Variants in TXNRD1 observed in about 807,000 individuals in gnomAD.
TXNRD1 encodes thioredoxin reductase 1, cytoplasmic.
A neutral mutation model predicts 80.3 loss-of-function variants in TXNRD1; 57 were observed. The ratio of observed to expected loss-of-function variants is 0.71; its 90% CI spans 0.57 to 0.89. The LOEUF is 0.89. Among genes scored for constraint, TXNRD1 ranks in the 40% least tolerant of loss-of-function variants. The pLI is 0.00. For synonymous variants in TXNRD1, 291 were observed against 285.2 expected, an observed-to-expected ratio of 1.02 and a Z score of -0.20; for missense variants, 730 against 803.0, an observed-to-expected ratio of 0.91 and a Z score of 1.10.
At chr12:104,251,755 G>A (rs891652744) in intron 2 of TXNRD1, 77 bp downstream of exon 2, 73 of 1,537,318 alleles carry the variant, frequency 4.7e-5, no homozygotes, top group Non-Finnish European at 5.9e-5. Flanking sequence ...GTAAACAACT[G>A]GATTTTACCT....
At chr12:104,276,231 G>T (rs1335373850) in intron 3 of TXNRD1, among the ~76,000 whole-genome samples, 1 of 152,222 alleles carries the variant, frequency 6.6e-6, no homozygotes, top group Non-Finnish European at 1.5e-5. Context: ...ATTGGGATAG[G>T]TTATAGGTTG....
At chr12:104,215,977 G>A in intron 1 of TXNRD1, 84 bp downstream of exon 1, 11 of 1,218,318 alleles carry the variant, frequency 9.0e-6, no homozygotes, top group Non-Finnish European at 1.3e-5. Flanking sequence ...AAGTGCCCCG[G>A]AGCCCTGGCC....
At chr12:104,327,474 AATG>A (rs1565906598) in intron 12 of TXNRD1, 38 bp from the exon 13 acceptor site, 1 of 1,567,096 alleles carries the variant, frequency 6.4e-7, no homozygotes, top group East Asian at 2.3e-5. Flanking sequence ...CTTAATTAAT[AATG>A]GTAATTAATG....
At chr12:104,216,000 A>G in intron 1 of TXNRD1, 107 bp downstream of exon 1, 1 of 964,088 alleles carries the variant, frequency 1.0e-6, no homozygotes, top group Middle Eastern at 2.6e-4. Context: ...GAAGCCCCTC[A>G]CTGGAGTCAG....
intron 3 of TXNRD1, among the ~76,000 whole-genome samples, chr12:104,272,684 C>G (rs554420306): frequency 6.6e-6 from 1 of 151,348 alleles, no homozygotes; most frequent in South Asian, 2.1e-4. Flanking sequence ...CCCAGCTACT[C>G]GGGAGGCTGA....
rs2032942221 is a variant in TXNRD1, at chr12:104,244,840, GT to G, written c.92-6686del. Among the ~76,000 whole-genome samples the G allele has an allele frequency of 3.9e-5, 6 of 152,352 alleles. No homozygotes were observed. In the South Asian group the frequency reaches 1.2e-3, roughly 32 times the overall value. On this transcript the variant is annotated intron_variant, in intron 1 of 16. Coordinates refer to ENST00000525566, the MANE Select transcript of TXNRD1 (RefSeq NM_001093771.3). ...GATTGAAGACAGGGAAAAGAAAGGG[GT>G]GTAGGCTGTAGAGCAGGGAGAGAAC...
chr12:104,346,514 T>C (rs1374402741), intron 16 of TXNRD1, among the ~76,000 whole-genome samples: 1 of 152,240 alleles, frequency 6.6e-6, no homozygotes, highest in Non-Finnish European at 1.5e-5. Flanking sequence ...GCCTGGAATT[T>C]GTTTAAATGT....
At chr12:104,324,410 G>A (rs990929882) in intron 10 of TXNRD1, among the ~76,000 whole-genome samples, 4 of 140,142 alleles carry the variant, frequency 2.9e-5, no homozygotes, top group African/African-American at 1.1e-4. Context: ...GGAGTGCAGT[G>A]GCGTGATCTT....
At chr12:104,268,012 G>A (rs1164948744) in intron 3 of TXNRD1, among the ~76,000 whole-genome samples, 1 of 151,090 alleles carries the variant, frequency 6.6e-6, no homozygotes, top group Non-Finnish European at 1.5e-5. Flanking sequence ...ACCACGCCAG[G>A]CTAATTTTTT....
chr12:104,280,062 C>CAAGAAAAAA (rs2033844812), intron 3 of TXNRD1, among the ~76,000 whole-genome samples: 1 of 84,618 alleles, frequency 1.2e-5, no homozygotes, highest in Non-Finnish European at 2.3e-5. Context: ...GACTCTGTCT[C>CAAGAAAAAA]AAAAAAAAAA....
At chr12:104,246,608 T>G (rs1035193664) in intron 1 of TXNRD1, among the ~76,000 whole-genome samples, 1 of 149,648 alleles carries the variant, frequency 6.7e-6, no homozygotes, top group Admixed American at 6.7e-5. Context: ...CTGCAACCTC[T>G]GCCTCCCAGG....
intron 13 of TXNRD1, among the ~76,000 whole-genome samples, chr12:104,330,424 T>TCC (rs1258535910): frequency 6.6e-6 from 1 of 152,192 alleles, no homozygotes; most frequent in Non-Finnish European, 1.5e-5. Flanking sequence ...GACTATGGAA[T>TCC]CCCCTTGTCA....
rs555721759 is a variant in TXNRD1, at chr12:104,283,269, GA to G, written c.305-5661del. On this transcript the variant is annotated intron_variant, in intron 3 of 16. Coordinates refer to ENST00000525566, the MANE Select transcript of TXNRD1 (RefSeq NM_001093771.3). ...TTTTTGTTTTTGTTTTTGTTTTTTTGAGACGGAGTCTTGCTCTTGTTGTCCA... is the reference window on the plus strand; with the variant it reads ...TTTTTGTTTTTGTTTTTGTTTTTTTGGACGGAGTCTTGCTCTTGTTGTCCA... Among the ~76,000 whole-genome samples, 1,214 of 151,278 alleles carry G rather than the reference GA, an allele frequency of 8.0e-3. 7 individuals carry two copies. Among genetic ancestry groups the G allele is most frequent in the Non-Finnish European group, 0.013 (910 of 67,834 alleles).
At chr12:104,304,550 C>G (rs770912295) in intron 4 of TXNRD1, 1 of 1,613,962 alleles carries the variant, frequency 6.2e-7, no homozygotes, top group Non-Finnish European at 8.5e-7. Context: ...TACAAAGTTG[C>G]AGAAGTTGGA....
At chr12:104,286,968 C>T (rs940950479) in intron 3 of TXNRD1, 23 of 1,232,324 alleles carry the variant, frequency 1.9e-5, no homozygotes, top group Non-Finnish European at 2.3e-5. Context: ...CCCGCCCGCT[C>T]GGCGCAGGGC....
At chr12:104,227,740 A>G (rs1279402051) in intron 1 of TXNRD1, among the ~76,000 whole-genome samples, 1 of 152,198 alleles carries the variant, frequency 6.6e-6, no homozygotes, top group Non-Finnish European at 1.5e-5. Flanking sequence ...CTCCATCAAT[A>G]TAGTTTTGTC....
chr12:104,253,321 T>C (rs1193313949), intron 2 of TXNRD1, among the ~76,000 whole-genome samples: 1 of 152,154 alleles, frequency 6.6e-6, no homozygotes, highest in Non-Finnish European at 1.5e-5. Context: ...GCTTCATCCC[T>C]ATCAATATGA....
intron 1 of TXNRD1, among the ~76,000 whole-genome samples, chr12:104,245,517 CAA>C (rs10622971): frequency 7.5e-4 from 22 of 29,260 alleles, no homozygotes; most frequent in Admixed American, 2.2e-3. Flanking sequence ...AACTCCATCT[CAA>C]AAAAAAAAAA....
At chr12:104,270,339 G>A (rs1346408599) in intron 3 of TXNRD1, among the ~76,000 whole-genome samples, 1 of 152,182 alleles carries the variant, frequency 6.6e-6, no homozygotes, top group Non-Finnish European at 1.5e-5. Context: ...TCCCTGGGCT[G>A]CAGAATGGAT....
Sources: allele counts gnomAD v4.1 joint callset (sites outside exome capture counted in the v4.1 genomes callset), GRCh38; gene constraint gnomAD v4.1.1; transcripts MANE v1.5; gene names NCBI Gene and HGNC (gene_info 2026-07-23, HGNC 2026-07-21).